HFM1: variants seen among roughly 807,000 people sequenced by gnomAD.
The protein encoded by HFM1 is helicase for meiosis 1, also known as probable ATP-dependent DNA helicase HFM1.
Under a neutral mutation model 192.1 loss-of-function variants are expected in HFM1, and 169 were observed. That is an observed-to-expected ratio of 0.88 (90% confidence interval 0.78 to 1.00). The LOEUF is 1.00. HFM1 is among the 50% of genes least tolerant of loss of function. The probability of loss-of-function intolerance (pLI) is 0.00; values close to 1 mark genes in which losing one functional copy is unlikely to be tolerated. For missense variants in HFM1, 1,661 were observed against 1,668.0 expected (o/e 1.00, Z 0.07); for synonymous variants, 525 against 537.8 (o/e 0.98, Z 0.33).
chr1:91,354,446 T>C (rs1657437103), intron 13 of HFM1, among the ~76,000 whole-genome samples: 1 of 152,038 alleles, frequency 6.6e-6, no homozygotes, highest in Non-Finnish European at 1.5e-5. Context: ...TGCTGAAAAC[T>C]TCCCAAGTCT....
chr1:91,352,370 C>T (rs1217148027), intron 16 of HFM1, 136 bp downstream of exon 16: 3 of 559,442 alleles, frequency 5.4e-6, no homozygotes. Flanking sequence ...TACTTTTATT[C>T]CTCCACTAAA....
At chr1:91,321,952 GA>G (rs1652178982) in intron 23 of HFM1, among the ~76,000 whole-genome samples, 1 of 152,162 alleles carries the variant, frequency 6.6e-6, no homozygotes, top group Non-Finnish European at 1.5e-5. Context: ...GGGAAAAAAT[GA>G]GAAAATCAAG....
chr1:91,385,477 A>C, intron 5 of HFM1, 98 bp downstream of exon 5: 1 of 1,014,204 alleles, frequency 9.9e-7, no homozygotes, highest in Non-Finnish European at 1.5e-6. Flanking sequence ...ACAGAGAGAT[A>C]ATTTACTCAA....
chr1:91,331,345 AG>A (rs1181188829), intron 20 of HFM1, among the ~76,000 whole-genome samples: 4 of 152,240 alleles, frequency 2.6e-5, no homozygotes, highest in African/African-American at 4.8e-5. Context: ...ACTCTGAAAA[AG>A]AAATAAAAAG....
chr1:91,289,690 T>G (rs1668488186), intron 30 of HFM1, among the ~76,000 whole-genome samples: 1 of 151,974 alleles, frequency 6.6e-6, no homozygotes, highest in Admixed American at 6.5e-5. Context: ...CGAAACCCCG[T>G]CTCTACCAAA....
intron 4 of HFM1, among the ~76,000 whole-genome samples, chr1:91,386,235 C>A (rs1662205467): frequency 1.3e-5 from 2 of 152,184 alleles, no homozygotes; most frequent in African/African-American, 4.8e-5. Context: ...TTAGATCTCT[C>A]ACTCTGTGGA....
At chr1:91,265,919 T>C (rs1570712153) in intron 36 of HFM1, 98 bp downstream of exon 36, 1 of 1,506,956 alleles carries the variant, frequency 6.6e-7, no homozygotes. Flanking sequence ...TAATACCTTT[T>C]AGCATCTGTG....
At chr1:91,382,596 T>C (rs900748361) in intron 6 of HFM1, among the ~76,000 whole-genome samples, 1 of 152,240 alleles carries the variant, frequency 6.6e-6, no homozygotes, top group Non-Finnish European at 1.5e-5. Context: ...AATTTTGAGT[T>C]TGAAAATCCA....
At chr1:91,295,779 C>G (rs763563335) in intron 30 of HFM1, among the ~76,000 whole-genome samples, 1 of 152,014 alleles carries the variant, frequency 6.6e-6, no homozygotes, top group Non-Finnish European at 1.5e-5. Context: ...GTTTTGTGCC[C>G]TGTTTTTTTA....
intron 13 of HFM1, among the ~76,000 whole-genome samples, chr1:91,363,380 AACAG>A (rs1658786218): frequency 1.0e-5 from 1 of 97,114 alleles, no homozygotes; most frequent in Non-Finnish European, 2.0e-5. Context: ...AATGGACATG[AACAG>A]ACACTTTTCA....
rs11329587 is a variant in HFM1, at chr1:91,365,968, G to GA, written c.1685+9389dup. Among the ~76,000 whole-genome samples, 288 of 124,870 alleles carry GA rather than the reference G, an allele frequency of 2.3e-3. 1 individual carries two copies. Among genetic ancestry groups the GA allele is most frequent in the South Asian group, 3.7e-3 (14 of 3,800 alleles). 81.9% of individuals were successfully genotyped at this position (124,870 alleles called of 152,430 possible). ...GAGTCTCTAACTCCGGTATGTTCCT[G>GA]AAAAAAAAAAAAAAACAGGAATAAA... On this transcript the variant is annotated intron_variant, in intron 13 of 38. Transcript: ENST00000370425.
chr1:91,279,442 C>T (rs9728662), intron 30 of HFM1, among the ~76,000 whole-genome samples: 72,934 of 151,932 alleles, frequency 0.48, 18,362 homozygotes, highest in African/African-American at 0.63. Context: ...ACAATTTATT[C>T]TACACATTGT....
chr1:91,298,571 A>T (rs1648096561), intron 30 of HFM1, among the ~76,000 whole-genome samples: 1 of 152,250 alleles, frequency 6.6e-6, no homozygotes, highest in Non-Finnish European at 1.5e-5. Flanking sequence ...GAAATCCATC[A>T]GACTAACAGC....
intron 30 of HFM1, among the ~76,000 whole-genome samples, chr1:91,279,345 T>C (rs575524488): frequency 3.9e-5 from 6 of 152,324 alleles, no homozygotes; most frequent in African/African-American, 1.4e-4. Context: ...TCACGACTTA[T>C]TGTTTCAGGT....
chr1:91,280,510 T>A (rs930036881), intron 30 of HFM1, among the ~76,000 whole-genome samples: 2 of 152,218 alleles, frequency 1.3e-5, no homozygotes, highest in African/African-American at 4.8e-5. Context: ...TGCCCCATGA[T>A]CATCCTTAAA....
chr1:91,283,027 TTTTG>T (rs900624851), intron 30 of HFM1, among the ~76,000 whole-genome samples: 6 of 152,078 alleles, frequency 3.9e-5, no homozygotes, highest in African/African-American at 1.4e-4. Flanking sequence ...TGTATGCAAG[TTTTG>T]TTTGTTTGTT....
chr1:91,318,018 T>C (rs1024766245), intron 25 of HFM1, among the ~76,000 whole-genome samples: 3 of 152,148 alleles, frequency 2.0e-5, no homozygotes, highest in Admixed American at 2.0e-4. Context: ...GCCAGAAAGA[T>C]TGGCTTTTTC....
At chr1:91,353,699 G>C (rs1169055608) in intron 13 of HFM1, among the ~76,000 whole-genome samples, 1 of 142,822 alleles carries the variant, frequency 7.0e-6, no homozygotes, top group Non-Finnish European at 1.5e-5. Context: ...AGTGTTTCCA[G>C]TGCTCTGAGA....
intron 9 of HFM1, 116 bp downstream of exon 9, chr1:91,378,947 G>T: frequency 1.7e-6 from 1 of 577,830 alleles, no homozygotes; most frequent in Non-Finnish European, 2.9e-6. Flanking sequence ...ATGTTTGTTT[G>T]TTTGCATTGT....
Sources: allele counts gnomAD v4.1 joint callset (sites outside exome capture counted in the v4.1 genomes callset), GRCh38; gene constraint gnomAD v4.1.1; transcripts MANE v1.5; gene names NCBI Gene and HGNC (gene_info 2026-07-23, HGNC 2026-07-21).